The following BSDC1 variants were observed in gnomAD, a reference collection of about 807,000 sequenced individuals.
The protein encoded by BSDC1 is BSD domain-containing protein 1.
In BSDC1, 29 loss-of-function variants were observed where a neutral mutation model predicts 56.0. That is an observed-to-expected ratio of 0.52 (90% CI 0.39 to 0.71). The LOEUF is 0.71. BSDC1 is among the 30% of genes least tolerant of loss of function. The probability of loss-of-function intolerance (pLI) is 0.00; values close to 1 mark genes in which losing one functional copy is unlikely to be tolerated. For missense variants in BSDC1, 477 were observed against 548.5 expected (o/e 0.87, Z 1.30); for synonymous variants, 210 against 215.3 (o/e 0.98, Z 0.21).
At chr1:32,390,619 C>T (rs1642832162) in intron 2 of BSDC1, among the ~76,000 whole-genome samples, 1 of 152,150 alleles carries the variant, frequency 6.6e-6, no homozygotes, top group Non-Finnish European at 1.5e-5. Flanking sequence ...TATCCTCAAA[C>T]ACTAAAGCTG....
chr1:32,384,884 TAAAC>T (rs1023683746), intron 3 of BSDC1, among the ~76,000 whole-genome samples: 2 of 152,050 alleles, frequency 1.3e-5, no homozygotes, highest in Middle Eastern at 3.4e-3. Context: ...ATGAATGAAA[TAAAC>T]AAGTGATATC....
intron 9 of BSDC1, 60 bp downstream of exon 9, chr1:32,376,202 C>T (rs1373516767): frequency 7.2e-7 from 1 of 1,385,798 alleles, no homozygotes; most frequent in Non-Finnish European, 9.4e-7. Flanking sequence ...GGAGACAAAT[C>T]TGCCTCAGGA....
chr1:32,387,974 A>G (rs928789360), intron 2 of BSDC1, among the ~76,000 whole-genome samples: 1 of 152,194 alleles, frequency 6.6e-6, no homozygotes, highest in Non-Finnish European at 1.5e-5. Context: ...GGCAGAATGC[A>G]TATTTGCTCC....
At chr1:32,366,891 TC>T (rs1026837476) in intron 10 of BSDC1, 6 of 1,242,452 alleles carry the variant, frequency 4.8e-6, no homozygotes, top group Admixed American at 8.1e-5. Flanking sequence ...AGGAAACACT[TC>T]CCCCAACCAA....
chr1:32,377,897 C>A (rs1642349164), intron 8 of BSDC1, 73 bp downstream of exon 8: 11 of 1,444,966 alleles, frequency 7.6e-6, no homozygotes, highest in Non-Finnish European at 4.7e-6. Context: ...CTCCAGGCTT[C>A]AGAGAGCATG....
Position 32,367,306 on chromosome 1 carries a change from G to A in BSDC1, c.1261-652C>T, listed in dbSNP as rs188278468. On this transcript the variant is annotated intron_variant, in intron 10 of 10. Transcript: ENST00000455895. ...TCTAGAATGCTCACGTGTACTGCAC[G>A]TCAGGTTTTAAAGGGGGCTGCAAAG... 22 of 985,416 alleles carry A rather than the reference G, an allele frequency of 2.2e-5. No individual in the cohort carries two copies. The East Asian group carries it at 1.6e-3, about 71-fold the overall frequency. 61.0% of individuals were successfully genotyped at this position (985,416 alleles called of 1,614,324 possible).
chr1:32,376,034 G>A (rs1642267510), intron 9 of BSDC1, among the ~76,000 whole-genome samples: 1 of 152,172 alleles, frequency 6.6e-6, no homozygotes, highest in South Asian at 2.1e-4. Context: ...AACTTGTTTT[G>A]TTGACTCTTA....
intron 9 of BSDC1, chr1:32,369,162 C>T: frequency 1.3e-6 from 1 of 784,596 alleles, no homozygotes; most frequent in Non-Finnish European, 1.8e-6. Context: ...TGGTGGAACA[C>T]TGTAGGCTGT....
At chr1:32,371,285 C>T (rs1472890101) in intron 9 of BSDC1, among the ~76,000 whole-genome samples, 2 of 146,328 alleles carry the variant, frequency 1.4e-5, no homozygotes, top group Non-Finnish European at 3.0e-5. Flanking sequence ...CTAAAATGAA[C>T]ACATACGACT....
In BSDC1 at chr1:32,376,361, T is replaced by C; in HGVS notation, c.1057A>G (p.Arg353Gly). The change falls in exon 9 of 11, where the codon AGA (arginine) becomes GGA (glycine). Residue 353 changes from arginine (R) to glycine (G), a missense_variant. Coordinates refer to ENST00000455895, the MANE Select transcript of BSDC1 (RefSeq NM_018045.8). Reference sequence around the variant, plus strand: ...GCCTCCTCCCTCAGAGTCTCTACTCTGGCTGGAGGCCTGGGCTCTGGGCCG... The same window carrying C: ...GCCTCCTCCCTCAGAGTCTCTACTCCGGCTGGAGGCCTGGGCTCTGGGCCG... ...TGGPEPRPPA[R>G]VETLREEAPT... The C allele has an allele frequency of 1.2e-6, 2 of 1,613,272 alleles. No homozygotes were observed. Among genetic ancestry groups the C allele is most frequent in the Non-Finnish European group, 1.7e-6 (2 of 1,179,380 alleles).
In BSDC1 at chr1:32,371,160, A is replaced by C. The variant is rs538715904; in HGVS notation, c.1157-2610T>G. ...ATGTACAGTAAGATTCCAGCTTTAA[A>C]ATGTGCCCATAGATGCATGCACACA... is the stretch of plus-strand genomic sequence containing the variant. On this transcript the variant is annotated intron_variant, in intron 9 of 10. Coordinates refer to ENST00000455895, the MANE Select transcript of BSDC1 (RefSeq NM_018045.8). 3.3e-3 allele frequency among the ~76,000 whole-genome samples: 505 copies of C among 152,314 alleles called. 7 individuals are homozygous for C. Among genetic ancestry groups the C allele is most frequent in the African/African-American group, 0.012 (490 of 41,562 alleles).
At chr1:32,367,257 C>T (rs926333235) in intron 10 of BSDC1, 9 of 985,322 alleles carry the variant, frequency 9.1e-6, no homozygotes, top group Admixed American at 1.2e-4. Flanking sequence ...GGCCTGCTGT[C>T]GGCTAAGCCC....
chr1:32,388,275 C>T (rs1445687811), intron 2 of BSDC1, among the ~76,000 whole-genome samples: 3 of 152,202 alleles, frequency 2.0e-5, no homozygotes, highest in African/African-American at 4.8e-5. Context: ...CTATCAGCTA[C>T]AGGCTTCTCT....
rs185618638 is a variant in BSDC1 at position 32,391,612 on chromosome 1, G to A, written c.72+2468C>T. ...TTTCTCTATCAACGTGTATGCACAC[G>A]TATTTGTGTCAGTCATATTGCCCTT... On this transcript the variant is annotated intron_variant, in intron 2 of 10. Coordinates refer to ENST00000455895, the MANE Select transcript of BSDC1 (RefSeq NM_018045.8). 4.4e-3 allele frequency among the ~76,000 whole-genome samples: 671 copies of A among 152,312 alleles called. 3 individuals carry two copies. The highest frequency in any genetic ancestry group is 0.015 in the African/African-American group (642 of 41,572).
chr1:32,382,699 A>G (rs78657586), intron 4 of BSDC1, among the ~76,000 whole-genome samples: 1 of 143,756 alleles, frequency 7.0e-6, no homozygotes, highest in Non-Finnish European at 1.5e-5. Context: ...CATCGCTACA[A>G]AAAAAAAAAA....
At chr1:32,394,307 C>T (rs1642976780) in intron 1 of BSDC1, 97 bp downstream of exon 1, 1 of 1,596,250 alleles carries the variant, frequency 6.3e-7, no homozygotes, top group African/African-American at 1.3e-5. Context: ...AGTCCACGCC[C>T]CCGCTGATCT....
At chr1:32,382,088 A>G (rs978983519) in intron 4 of BSDC1, among the ~76,000 whole-genome samples, 1 of 151,992 alleles carries the variant, frequency 6.6e-6, no homozygotes, top group East Asian at 1.9e-4. Context: ...TTAGCCGGGC[A>G]TGGTGATGTG....
chr1:32,378,356 T>C lies in BSDC1; in HGVS notation c.529-73A>G. 1.4e-6 allele frequency: 2 copies of C among 1,455,258 alleles called. No individual in the cohort carries two copies. The highest frequency in any genetic ancestry group is 1.9e-6 in the Non-Finnish European group (2 of 1,039,492). The allele number at this position is 1,455,258 out of a possible 1,614,324, so 90.1% of individuals were successfully genotyped here. On this transcript the variant is annotated intron_variant, in intron 6 of 10. Transcript: ENST00000455895. This position sits in a 1 kb window ranked among gnomAD's most constrained non-coding sequence, Gnocchi z 5.2. The stretch of plus-strand genomic sequence containing the variant: ...GGGTCTGTGTCCCCAGCCTTATCAG[T>C]CTATTCCCAGCCAGTCTGGATTTCA...
At chr1:32,390,412 G>A (rs2148144496) in intron 2 of BSDC1, among the ~76,000 whole-genome samples, 1 of 152,364 alleles carries the variant, frequency 6.6e-6, no homozygotes, top group East Asian at 1.9e-4. Flanking sequence ...GAACAGGTAT[G>A]TTGACTGAGG....
Sources: gnomAD v4.1 joint callset for allele counts (sites outside exome capture counted in the v4.1 genomes callset) on GRCh38, gnomAD v4.1.1 for gene constraint, Gnocchi (gnomAD v3.1) non-coding constraint, MANE v1.5 for transcripts, NCBI Gene and HGNC (gene_info 2026-07-23, HGNC 2026-07-21) for gene names.